CHRFAM7A: variants seen among roughly 807,000 people sequenced by gnomAD.
CHRFAM7A encodes the protein CHRNA7-FAM7A fusion protein.
Under a neutral mutation model 29.2 loss-of-function variants are expected in CHRFAM7A, and 3 were observed. That is an observed-to-expected ratio of 0.10 (90% CI 0.05 to 0.27). The LOEUF is 0.27. Ranked by LOEUF, CHRFAM7A falls within the 10% of genes least tolerant of loss-of-function variation. CHRFAM7A has a pLI of 1.00. For missense variants in CHRFAM7A, 22 were observed against 328.0 expected (o/e 0.07, Z 7.21); for synonymous variants, 7 against 135.4 (o/e 0.05, Z 6.58).
chr15:30,373,151 T>G lies in CHRFAM7A; in HGVS notation c.161-6A>C. 1 of 1,495,326 alleles carries G rather than the reference T, an allele frequency of 6.7e-7. No homozygotes were observed. Among genetic ancestry groups the G allele is most frequent in the Non-Finnish European group, 9.2e-7 (1 of 1,081,286 alleles). The allele number at this position is 1,495,326 out of a possible 1,614,324, so 92.6% of individuals were successfully genotyped here. On this transcript the variant is annotated splice_polypyrimidine_tract_variant and splice_region_variant and intron_variant, in intron 5 of 9. Coordinates refer to ENST00000299847, the MANE Select transcript of CHRFAM7A (RefSeq NM_139320.2). The stretch of plus-strand genomic sequence containing the variant: ...GCAGGAACTCTTGAATATGCCTGTG[T>G]GGGTGATGGAAACAGAAGACTGAAA...
chr15:30,388,888 TA>T (rs2058989993), intron 1 of CHRFAM7A, among the ~76,000 whole-genome samples: 1 of 138,526 alleles, frequency 7.2e-6, no homozygotes, highest in Non-Finnish European at 1.6e-5. Context: ...ACATTGTAAA[TA>T]ATTTTTCTAT....
At chr15:30,363,013 T>C (rs1235536449) in intron 9 of CHRFAM7A, among the ~76,000 whole-genome samples, 1 of 151,472 alleles carries the variant, frequency 6.6e-6, no homozygotes, top group Non-Finnish European at 1.5e-5. Flanking sequence ...CTAAAACTGA[T>C]GCACCCTGGG....
rs1189540956 is a variant in CHRFAM7A at position 30,373,451 on chromosome 15, A to G, written c.161-306T>C. On this transcript the variant is annotated intron_variant, in intron 5 of 9. Coordinates refer to ENST00000299847, the MANE Select transcript of CHRFAM7A (RefSeq NM_139320.2). ...TGAGCATCTTCAGACTCTAAATAAT[A>G]AAAGTAAAGAATGCAAAATATCTCA... Among the ~76,000 whole-genome samples, 3 of 133,948 alleles carry G rather than the reference A, an allele frequency of 2.2e-5. 1 individual carries two copies. Among genetic ancestry groups the G allele is most frequent in the Non-Finnish European group, 3.3e-5 (2 of 61,278 alleles). 87.9% of individuals were successfully genotyped at this position (133,948 alleles called of 152,430 possible).
rs768967519 is a variant in CHRFAM7A at position 30,363,376 on chromosome 15, T to C, written c.721-565A>G. 4.0e-4 allele frequency among the ~76,000 whole-genome samples: 59 copies of C among 145,986 alleles called. 2 individuals carry two copies. Among genetic ancestry groups the C allele is most frequent in the Non-Finnish European group, 6.9e-4 (46 of 66,564 alleles). On this transcript the variant is annotated intron_variant, in intron 9 of 9. Coordinates refer to ENST00000299847, the MANE Select transcript of CHRFAM7A (RefSeq NM_139320.2). ...TGATGACGTGACCACTTTGCAAAGCTGTTTTTCAAAGTACCCTGATAAAAA... is the reference window on the plus strand; with the variant it reads ...TGATGACGTGACCACTTTGCAAAGCCGTTTTTCAAAGTACCCTGATAAAAA...
intron 9 of CHRFAM7A, 98 bp downstream of exon 9, chr15:30,367,320 T>G: frequency 6.9e-7 from 1 of 1,441,348 alleles, no homozygotes; most frequent in Admixed American, 2.2e-5. Flanking sequence ...GCTATTTCTT[T>G]AGGAATGCCC....
rs138139103 is a variant in CHRFAM7A, at chr15:30,367,438, C to T, written c.700G>A (p.Gly234Arg). ...VLQYHHHDPDGGKMPKWTRVI... is the reference protein window; with the variant it reads ...VLQYHHHDPDRGKMPKWTRVI... The stretch of plus-strand genomic sequence containing the variant: ...CGTACCCACTTGGGCATCTTGCCCC[C>T]GTCGGGGTCGTGGTGGTGGTACTGC... Residue 234 changes from glycine to arginine, a missense_variant, in exon 9 of 10, where the codon GGG becomes AGG. Transcript: ENST00000299847. 8,477 of 1,605,952 alleles carry T rather than the reference C, an allele frequency of 5.3e-3. 129 individuals carry two copies. The African/African-American group carries it at 0.065, about 12-fold the overall frequency.
chr15:30,375,610 CGTGT>C (rs1244660046), intron 5 of CHRFAM7A, among the ~76,000 whole-genome samples: 10 of 146,820 alleles, frequency 6.8e-5, no homozygotes, highest in East Asian at 2.1e-4. Flanking sequence ...GGTTGTGAGT[CGTGT>C]GTGAGTGGTG....
In CHRFAM7A at chr15:30,373,770, C is replaced by T. The variant is rs201888375; in HGVS notation, c.161-625G>A. 4.1e-3 allele frequency among the ~76,000 whole-genome samples: 418 copies of T among 103,150 alleles called. 12 individuals are homozygous for T. Among genetic ancestry groups the T allele is most frequent in the Admixed American group, 0.031 (305 of 9,822 alleles). The allele number at this position is 103,150 out of a possible 152,430, so 67.7% of individuals were successfully genotyped here. ...TCACTTGAGACTAGGAGTTTGAGAC[C>T]GGACTGGGCAACATAGTGAGACATC... is the stretch of plus-strand genomic sequence containing the variant. On this transcript the variant is annotated intron_variant, in intron 5 of 9. Coordinates refer to ENST00000299847, the MANE Select transcript of CHRFAM7A (RefSeq NM_139320.2).
chr15:30,377,587 T>A (rs577122071), intron 4 of CHRFAM7A, among the ~76,000 whole-genome samples: 2 of 129,740 alleles, frequency 1.5e-5, no homozygotes, highest in African/African-American at 5.8e-5. Context: ...CTTTTTTTTT[T>A]TTTTTGAGAC....
At chr15:30,375,763 T>C (rs866755986) in intron 5 of CHRFAM7A, among the ~76,000 whole-genome samples, 108 of 148,512 alleles carry the variant, frequency 7.3e-4, no homozygotes, top group Middle Eastern at 7.7e-3. Flanking sequence ...GGTATATTTG[T>C]GTGAGTGGTG....
chr15:30,363,088 G>C lies in CHRFAM7A; in HGVS notation c.721-277C>G, dbSNP rs539088058. Among the ~76,000 whole-genome samples, 8 of 151,640 alleles carry C rather than the reference G, an allele frequency of 5.3e-5. No homozygotes were observed. In the South Asian group the frequency reaches 1.7e-3, roughly 31 times the overall value. ...CTCAGGGAAGACAGCTTCGTGGAAG[G>C]GGAAGGCTATCTGAGCTGTGTAAAG... is the stretch of plus-strand genomic sequence containing the variant. On this transcript the variant is annotated intron_variant, in intron 9 of 9. Transcript: ENST00000299847.
intron 9 of CHRFAM7A, among the ~76,000 whole-genome samples, chr15:30,367,139 G>A (rs1168773503): frequency 6.6e-6 from 1 of 150,748 alleles, no homozygotes; most frequent in Non-Finnish European, 1.5e-5. Context: ...AAAAAAAATT[G>A]GCCAGGTGTG....
At chr15:30,363,034 A>G (rs996461020) in intron 9 of CHRFAM7A, among the ~76,000 whole-genome samples, 1 of 151,552 alleles carries the variant, frequency 6.6e-6, no homozygotes, top group African/African-American at 2.4e-5. Context: ...AACAAGCTAA[A>G]TTGTTCTCCG....
intron 5 of CHRFAM7A, among the ~76,000 whole-genome samples, chr15:30,375,886 CGT>C (rs199655722): frequency 6.9e-3 from 819 of 119,528 alleles, no homozygotes; most frequent in Middle Eastern, 0.019. Flanking sequence ...TGTGTTGAGT[CGT>C]GTGGGTGGTA....
In CHRFAM7A at chr15:30,371,002, A is replaced by G. The variant is rs2058846050; in HGVS notation, c.610+96T>C. ...CTTCCAGAGAAAATGGGGGCAGTGCAGCCGTATTTCTTCTAGTTTCATCTG... is the reference window on the plus strand; with the variant it reads ...CTTCCAGAGAAAATGGGGGCAGTGCGGCCGTATTTCTTCTAGTTTCATCTG... On this transcript the variant is annotated intron_variant, in intron 8 of 9. Transcript: ENST00000299847. 6.6e-6 allele frequency: 10 copies of G among 1,514,556 alleles called. No individual in the cohort carries two copies. In the South Asian group the frequency reaches 1.0e-4, roughly 15 times the overall value. The allele number at this position is 1,514,556 out of a possible 1,614,324, so 93.8% of individuals were successfully genotyped here.
intron 7 of CHRFAM7A, among the ~76,000 whole-genome samples, chr15:30,371,842 G>C (rs1451044011): frequency 1.5e-5 from 2 of 137,494 alleles, no homozygotes; most frequent in Non-Finnish European, 1.6e-5. Flanking sequence ...AGGAACAGGT[G>C]GGGTGGCAGG....
intron 9 of CHRFAM7A, among the ~76,000 whole-genome samples, chr15:30,363,095 C>T (rs1484709003): frequency 6.6e-6 from 1 of 151,432 alleles, no homozygotes; most frequent in Non-Finnish European, 1.5e-5. Context: ...AAGGGGAAGG[C>T]TATCTGAGCT....
chr15:30,363,336 T>C lies in CHRFAM7A; in HGVS notation c.721-525A>G, dbSNP rs557202755. ...AGCAGTTCAGGCTTCCAACATCAGA[T>C]TACCACATCTCTTGTGATGACGTGA... On this transcript the variant is annotated intron_variant, in intron 9 of 9. Transcript: ENST00000299847. 4.7e-4 allele frequency among the ~76,000 whole-genome samples: 69 copies of C among 148,084 alleles called. No individual in the cohort carries two copies. The East Asian group carries it at 7.5e-3, about 16-fold the overall frequency.
intron 9 of CHRFAM7A, among the ~76,000 whole-genome samples, chr15:30,363,041 TC>T (rs1465907714): frequency 6.6e-6 from 1 of 151,558 alleles, no homozygotes; most frequent in African/African-American, 2.4e-5. Context: ...TAAATTGTTC[TC>T]CGGGGCAGGC....
Sources: allele counts gnomAD v4.1 joint callset (sites outside exome capture counted in the v4.1 genomes callset), GRCh38; gene constraint gnomAD v4.1.1; transcripts MANE v1.5; gene names NCBI Gene and HGNC (gene_info 2026-07-23, HGNC 2026-07-21).